RPL36AL: variants seen among roughly 807,000 people sequenced by gnomAD.
RPL36AL encodes the protein ribosomal protein L36a like, also known as ribosomal protein eL42-like.
Under a neutral mutation model 7.9 loss-of-function variants are expected in RPL36AL, and 8 were observed. The observed-to-expected ratio is 1.02, with a 90% CI of 0.60 to 1.84. RPL36AL has a LOEUF of 1.84. Among genes scored for constraint, RPL36AL ranks in the 40% most tolerant of loss-of-function variants. The probability of loss-of-function intolerance (pLI) is 0.00; values close to 1 mark genes in which losing one functional copy is unlikely to be tolerated. For synonymous variants in RPL36AL, 44 were observed against 44.8 expected (o/e 0.98, Z 0.07); for missense variants, 76 against 126.8 (o/e 0.60, Z 1.93).
Position 49,618,626 on chromosome 14 carries a change from A to G in RPL36AL, c.*158T>C. ...TTCATACATATATAAACTTGTTAGT[A>G]AAGTTTGAGGTGGGACTACACTAAA... On this transcript the variant is annotated 3_prime_UTR_variant, in exon 2 of 2. Transcript: ENST00000298289. The G allele has an allele frequency of 1.6e-6, 1 of 615,090 alleles. No homozygotes were observed. Among genetic ancestry groups the G allele is most frequent in the Non-Finnish European group, 2.8e-6 (1 of 352,310 alleles). The allele number at this position is 615,090 out of a possible 1,614,324, so 38.1% of individuals were successfully genotyped here.
At chr14:49,619,329 TGGA>T (rs1236368851) in intron 1 of RPL36AL, among the ~76,000 whole-genome samples, 189 bp from the exon 2 acceptor site, 1 of 152,182 alleles carries the variant, frequency 6.6e-6, no homozygotes, top group African/African-American at 2.4e-5. Flanking sequence ...TTTAAATTAC[TGGA>T]GGACTAATTT....
chr14:49,618,883 C>A lies in RPL36AL; in HGVS notation c.222G>T (p.Glu74Asp), dbSNP rs182401090. Residue 74 changes from glutamate (E) to aspartate (D), a missense_variant, in exon 2 of 2, where the codon GAG (glutamate) becomes GAT (aspartate). Glu to Asp is a conservative substitution (Grantham distance 45). Coordinates refer to ENST00000298289, the MANE Select transcript of RPL36AL (RefSeq NM_001001.5). ...KKIVLRLECVEPNCRSKRMLA... is the reference protein window; with the variant it reads ...KKIVLRLECVDPNCRSKRMLA... ...GCATCCTCTTGGATCTGCAGTTAGG[C>A]TCAACACATTCCAGCCTTAGCACAA... The A allele has an allele frequency of 1.9e-6, 3 of 1,612,652 alleles. No individual in the cohort carries two copies. In the East Asian group the frequency reaches 6.7e-5, roughly 36 times the overall value.
intron 1 of RPL36AL, among the ~76,000 whole-genome samples, chr14:49,620,322 A>G (rs146205650): frequency 5.3e-4 from 81 of 152,258 alleles, no homozygotes; most frequent in African/African-American, 1.4e-3. Flanking sequence ...TCCCCTCCGA[A>G]GCACAGTCAC....
chr14:49,619,518 T>C (rs1382901074), intron 1 of RPL36AL, among the ~76,000 whole-genome samples: 1 of 147,294 alleles, frequency 6.8e-6, no homozygotes, highest in Non-Finnish European at 1.5e-5. Context: ...GTGGTGGTGG[T>C]GCATACCTGT....
intron 1 of RPL36AL, among the ~76,000 whole-genome samples, chr14:49,619,881 A>G (rs949406619): frequency 6.6e-6 from 1 of 152,298 alleles, no homozygotes. Context: ...TAATGGGTGA[A>G]GCAGCTAGTC....
In RPL36AL at chr14:49,618,779, A is replaced by T; in HGVS notation, c.*5T>A. 1 of 1,601,628 alleles carries T rather than the reference A, an allele frequency of 6.2e-7. No individual in the cohort carries two copies. Among genetic ancestry groups the T allele is most frequent in the South Asian group, 1.1e-5 (1 of 88,900 alleles). Reference sequence around the variant, plus strand: ...CTTCAAAATTGAAGAAAAATATCCCAAAGTTTAGAACTGGATCACTTGGCC... The same window carrying T: ...CTTCAAAATTGAAGAAAAATATCCCTAAGTTTAGAACTGGATCACTTGGCC... On this transcript the variant is annotated 3_prime_UTR_variant, in exon 2 of 2. Coordinates refer to ENST00000298289, the MANE Select transcript of RPL36AL (RefSeq NM_001001.5).
rs780079311 is a variant in RPL36AL, at chr14:49,619,036, C to G, written c.69G>C (p.Val23=). The change falls in exon 2 of 2, where the codon GTG becomes GTC. Residue 23 remains valine (V), a synonymous_variant. Coordinates refer to ENST00000298289, the MANE Select transcript of RPL36AL (RefSeq NM_001001.5). ...AATCCTTGCCCTTCTTATACTGTGTCACTTTGTGAGGCTGATGCTTGCCAC... is the reference window on the plus strand; with the variant it reads ...AATCCTTGCCCTTCTTATACTGTGTGACTTTGTGAGGCTGATGCTTGCCAC... ...KKCGKHQPHK[V]TQYKKGKDSL... 2 of 1,613,988 alleles carry G rather than the reference C, an allele frequency of 1.2e-6. No homozygotes were observed. Among genetic ancestry groups the G allele is most frequent in the Non-Finnish European group, 1.7e-6 (2 of 1,179,876 alleles).
In RPL36AL at chr14:49,618,669, A is replaced by T; in HGVS notation, c.*115T>A. Reference sequence around the variant, plus strand: ...ACACTAAACATGGAATTCTATTTATAAGTAAAAACCACAAAAAGTTTGCGT... The same window carrying T: ...ACACTAAACATGGAATTCTATTTATTAGTAAAAACCACAAAAAGTTTGCGT... On this transcript the variant is annotated 3_prime_UTR_variant, in exon 2 of 2. Transcript: ENST00000298289. 2 of 792,186 alleles carry T rather than the reference A, an allele frequency of 2.5e-6. No homozygotes were observed. The highest frequency in any genetic ancestry group is 2.0e-6 in the Non-Finnish European group (1 of 496,148). 49.1% of individuals were successfully genotyped at this position (792,186 alleles called of 1,614,324 possible).
chr14:49,619,922 G>A (rs12887767), intron 1 of RPL36AL, among the ~76,000 whole-genome samples: 35,607 of 152,024 alleles, frequency 0.23, 4,649 homozygotes, highest in African/African-American at 0.32. Context: ...TAAGTGGGGA[G>A]GTGTCTGAAG....
chr14:49,620,583 T>A lies in RPL36AL; in HGVS notation c.-58A>T. On this transcript the variant is annotated 5_prime_UTR_variant, in exon 1 of 2. Coordinates refer to ENST00000298289, the MANE Select transcript of RPL36AL (RefSeq NM_001001.5). ...TTACCGAGAAACAGCGCCCGACACC[T>A]GGCCCTTCGCAGCTCTCGCCTTTCG... 5.1e-6 allele frequency: 1 copy of A among 197,428 alleles called. No individual in the cohort carries two copies. The highest frequency in any genetic ancestry group is 1.0e-5 in the Non-Finnish European group (1 of 97,010). The allele number at this position is 197,428 out of a possible 1,614,324, so 12.2% of individuals were successfully genotyped here. A position where few individuals can be genotyped will look rare whatever the true frequency, so the allele number is the denominator to read the frequency against.
chr14:49,620,534 A>C (rs1882804331), intron 1 of RPL36AL, 28 bp downstream of exon 1: 1 of 164,758 alleles, frequency 6.1e-6, no homozygotes. Context: ...CTCCTATTGG[A>C]GCCGCTACAG....
intron 1 of RPL36AL, 124 bp from the exon 2 acceptor site, chr14:49,619,264 C>CT (rs1401215808): frequency 3.3e-6 from 2 of 614,928 alleles, no homozygotes; most frequent in East Asian, 2.8e-5. Context: ...ACCACGTACT[C>CT]TTTTTCCATA....
intron 1 of RPL36AL, among the ~76,000 whole-genome samples, chr14:49,619,635 A>AC (rs34789858): frequency 0.21 from 31,889 of 151,984 alleles, 3,645 homozygotes; most frequent in Admixed American, 0.3. Flanking sequence ...CGTCTCAAAA[A>AC]AAAAAAAGAA....
intron 1 of RPL36AL, among the ~76,000 whole-genome samples, chr14:49,619,493 C>A (rs138841463): frequency 6.9e-6 from 1 of 145,864 alleles, no homozygotes; most frequent in South Asian, 2.5e-4. Flanking sequence ...ACTAAAAATA[C>A]AAAATTAGCC....
At position 49,619,063 on chromosome 14, in the gene RPL36AL, C is replaced by CT; in HGVS notation, c.41dup (p.Cys15ValfsTer13). The CT allele has an allele frequency of 6.2e-7, 1 of 1,613,678 alleles. No homozygotes were observed. The highest frequency in any genetic ancestry group is 8.5e-7 in the Non-Finnish European group (1 of 1,179,606). On this transcript the variant is annotated frameshift_variant, in exon 2 of 2. Transcript: ENST00000298289. LOFTEE classifies it high-confidence loss of function. ...CTTTGTGAGGCTGATGCTTGCCACA[C>CT]TTCTTACAGAAGGTTCTTCGGGTTT... is the stretch of plus-strand genomic sequence containing the variant.
In RPL36AL at chr14:49,618,845, C is replaced by G; in HGVS notation, c.260G>C (p.Arg87Thr). Residue 87 changes from arginine (R) to threonine (T), a missense_variant, in exon 2 of 2, where the codon AGA (arginine) becomes ACA (threonine). Physicochemically the swap from Arg to Thr is moderately conservative, Grantham distance 71. Coordinates refer to ENST00000298289, the MANE Select transcript of RPL36AL (RefSeq NM_001001.5). ...CRSKRMLAIK[R>T]CKHFELGGDK... Reference sequence around the variant, plus strand: ...TCCTCCCAGTTCAAAATGCTTGCATCTCTTAATGGCCAGCATCCTCTTGGA... The same window carrying G: ...TCCTCCCAGTTCAAAATGCTTGCATGTCTTAATGGCCAGCATCCTCTTGGA... 6.2e-7 allele frequency: 1 copy of G among 1,612,334 alleles called. No individual in the cohort carries two copies. Among genetic ancestry groups the G allele is most frequent in the Non-Finnish European group, 8.5e-7 (1 of 1,179,786 alleles).
At chr14:49,619,369 C>T (rs558738152) in intron 1 of RPL36AL, among the ~76,000 whole-genome samples, 2 of 152,230 alleles carry the variant, frequency 1.3e-5, no homozygotes, top group South Asian at 4.1e-4. Context: ...GAGGCAAGGC[C>T]GAGCACGGTG....
At chr14:49,619,225 G>T in intron 1 of RPL36AL, 85 bp from the exon 2 acceptor site, 1 of 815,074 alleles carries the variant, frequency 1.2e-6, no homozygotes, top group Non-Finnish European at 1.9e-6. Flanking sequence ...CAGGAAAACC[G>T]TACACATAAA....
intron 1 of RPL36AL, among the ~76,000 whole-genome samples, chr14:49,620,008 C>T (rs1882786454): frequency 6.6e-6 from 1 of 152,172 alleles, no homozygotes; most frequent in Admixed American, 6.5e-5. Flanking sequence ...AGCCATTCTT[C>T]TTTTCTCATA....
Sources: gnomAD v4.1 joint callset for allele counts (sites outside exome capture counted in the v4.1 genomes callset) on GRCh38, gnomAD v4.1.1 for gene constraint, MANE v1.5 for transcripts, NCBI Gene and HGNC (gene_info 2026-07-23, HGNC 2026-07-21) for gene names.